Variants in EXOC3L4 observed in about 807,000 individuals in gnomAD.
EXOC3L4 encodes the protein exocyst complex component 3-like protein 4.
A neutral mutation model predicts 69.7 loss-of-function variants in EXOC3L4; 62 were observed. The observed-to-expected ratio is 0.89, with a 90% CI of 0.72 to 1.10. The LOEUF (loss-of-function observed/expected upper bound fraction) is 1.10. EXOC3L4 is among the 50% of genes least tolerant of loss of function. The pLI, the probability that EXOC3L4 is intolerant of heterozygous loss-of-function variation, is 0.00. For missense variants in EXOC3L4, 1,087 were observed against 1,034.8 expected (o/e 1.05, Z -0.69); for synonymous variants, 502 against 464.2 (o/e 1.08, Z -1.05).
intron 7 of EXOC3L4, among the ~76,000 whole-genome samples, chr14:103,105,358 CTGTGTGTG>C (rs56105443): frequency 7.1e-6 from 1 of 141,590 alleles, no homozygotes; most frequent in Non-Finnish European, 1.5e-5. Context: ...GAGCTGAGGG[CTGTGTGTG>C]TGTGTGTGTG....
At chr14:103,107,170 C>G (rs1235929754) in intron 8 of EXOC3L4, among the ~76,000 whole-genome samples, 1 of 152,204 alleles carries the variant, frequency 6.6e-6, no homozygotes, top group African/African-American at 2.4e-5. Context: ...AGGGTCCTCA[C>G]CCAGTCCCTC....
In EXOC3L4 at chr14:103,102,769, G is replaced by T; in HGVS notation, c.1046G>T (p.Gly349Val). Residue 349 changes from glycine to valine, a missense_variant, in exon 3 of 12, where the codon GGC (glycine) becomes GTC (valine). By Grantham distance (109) the Gly-to-Val change is moderately radical (BLOSUM62 -3). Transcript: ENST00000688303. ...CTGGACTGGGCCGCCAACGTCTACG[G>T]CAGGTGAGTCTCGGCCAGGGCGCCC... ...ILLDWAANVY[G>V]SPDFLGAPGL... 1 of 1,348,904 alleles carries T rather than the reference G, an allele frequency of 7.4e-7. No individual in the cohort carries two copies. Among genetic ancestry groups the T allele is most frequent in the Non-Finnish European group, 9.5e-7 (1 of 1,052,478 alleles). 83.6% of individuals were successfully genotyped at this position (1,348,904 alleles called of 1,614,324 possible). A position where few individuals can be genotyped will look rare whatever the true frequency, so the allele number is the denominator to read the frequency against.
At chr14:103,103,354 CAA>C (rs3070496) in intron 3 of EXOC3L4, among the ~76,000 whole-genome samples, 14 of 94,882 alleles carry the variant, frequency 1.5e-4, no homozygotes, top group African/African-American at 1.7e-4. Flanking sequence ...GACTCTGTCT[CAA>C]AAAAAAAAAA....
Position 103,110,061 on chromosome 14 carries a change from G to GCGC in EXOC3L4, c.2010_2012dup (p.Arg671dup), listed in dbSNP as rs769035720. On this transcript the variant is annotated inframe_insertion, in exon 12 of 12. Transcript: ENST00000688303. ...ACCACATACTGGCCATTCTGGCGCT[G>GCGC]CGCCGACTGGGCCGCCAGCGGAACC... 1.9e-5 allele frequency: 31 copies of GCGC among 1,600,738 alleles called. No homozygotes were observed. Among genetic ancestry groups the GCGC allele is most frequent in the Non-Finnish European group, 2.6e-5 (31 of 1,174,538 alleles).
intron 1 of EXOC3L4, among the ~76,000 whole-genome samples, chr14:103,096,622 T>C (rs1474516518): frequency 1.3e-5 from 2 of 152,192 alleles, no homozygotes; most frequent in African/African-American, 4.8e-5. Flanking sequence ...AATACCTGAT[T>C]GGTCGGGTGT....
intron 1 of EXOC3L4, among the ~76,000 whole-genome samples, chr14:103,098,109 G>A (rs1889980108): frequency 6.6e-6 from 1 of 152,094 alleles, no homozygotes; most frequent in Non-Finnish European, 1.5e-5. Flanking sequence ...GGACCTCACT[G>A]GCCCTTCAGC....
intron 2 of EXOC3L4, 38 bp downstream of exon 2, chr14:103,100,651 ACGGG>A: frequency 6.4e-7 from 1 of 1,566,740 alleles, no homozygotes; most frequent in East Asian, 2.3e-5. Flanking sequence ...ATGAAAGGAA[ACGGG>A]CCAGAGGTCA....
intron 1 of EXOC3L4, among the ~76,000 whole-genome samples, chr14:103,096,200 A>G (rs58223985): frequency 0.031 from 4,786 of 152,178 alleles, 250 homozygotes; most frequent in African/African-American, 0.11. Flanking sequence ...CAAAAAATAT[A>G]AAAATTAGCC....
Position 103,110,151 on chromosome 14 carries a change from C to T in EXOC3L4, c.2097C>T (p.Ala699=), listed in dbSNP as rs1890850472. ...RAAAGAAGAE[A]PRGRVLFEEI... is the part of the protein sequence containing the mutation. The stretch of plus-strand genomic sequence containing the variant: ...CGGCCGGGGCGGCGGGTGCGGAGGC[C>T]CCTCGGGGCCGCGTGCTCTTCGAGG... Residue 699 remains alanine (A), a synonymous_variant, in exon 12 of 12, where the codon GCC becomes GCT. Coordinates refer to ENST00000688303, the MANE Select transcript of EXOC3L4 (RefSeq NM_001077594.2). The T allele has an allele frequency of 6.5e-7, 1 of 1,545,298 alleles. No individual in the cohort carries two copies. The highest frequency in any genetic ancestry group is 8.7e-7 in the Non-Finnish European group (1 of 1,144,394).
chr14:103,103,773 C>T, intron 3 of EXOC3L4, 168 bp from the exon 4 acceptor site: 1 of 525,804 alleles, frequency 1.9e-6, no homozygotes, highest in Non-Finnish European at 3.3e-6. Context: ...GGGGGTGTGG[C>T]ATGGCAGCCT....
intron 6 of EXOC3L4, 71 bp downstream of exon 6, chr14:103,104,909 G>C (rs767551531): frequency 2.0e-5 from 32 of 1,563,516 alleles, no homozygotes; most frequent in African/African-American, 6.8e-5. Context: ...AGGAGTCTGC[G>C]TAGGGACCTG....
rs757105801 is a variant in EXOC3L4, at chr14:103,108,453, G to C, written c.1912G>C (p.Glu638Gln). The part of the protein sequence containing the change: ...AIQCVAEILG[E>Q]TYKDDIQRHL... ...CCAGTGCGTGGCTGAGATCCTGGGC[G>C]AGACCTACAAAGATGACATCCAGCG... is the stretch of plus-strand genomic sequence containing the variant. Residue 638 changes from glutamate (E) to glutamine (Q), a missense_variant, in exon 11 of 12, where the codon GAG becomes CAG. By Grantham distance (29) the Glu-to-Gln change is conservative. Coordinates refer to ENST00000688303, the MANE Select transcript of EXOC3L4 (RefSeq NM_001077594.2). The C allele has an allele frequency of 6.2e-7, 1 of 1,614,008 alleles. No individual in the cohort carries two copies. The highest frequency in any genetic ancestry group is 8.5e-7 in the Non-Finnish European group (1 of 1,179,914).
chr14:103,107,023 A>T, intron 8 of EXOC3L4, 124 bp downstream of exon 8: 3 of 853,694 alleles, frequency 3.5e-6, no homozygotes, highest in Non-Finnish European at 5.3e-6. Context: ...GTGTGTGTGT[A>T]GGGTAGTGGG....
At chr14:103,104,244 C>T in intron 4 of EXOC3L4, 23 bp from the exon 5 acceptor site, 2 of 1,556,378 alleles carry the variant, frequency 1.3e-6, no homozygotes. Flanking sequence ...GGTCTCACCA[C>T]GGCCCATCCC....
intron 2 of EXOC3L4, among the ~76,000 whole-genome samples, chr14:103,101,176 A>G (rs1409003207): frequency 6.6e-6 from 1 of 151,950 alleles, no homozygotes; most frequent in African/African-American, 2.4e-5. Flanking sequence ...AAGTGCTGGG[A>G]TTACAGGCGT....
rs1177907237 is a variant in EXOC3L4 at position 103,103,795 on chromosome 14, C to CGTGTGT, written c.1050-145_1050-144insTGTGTG. The CGTGTGT allele has an allele frequency of 4.3e-3, 1,914 of 441,886 alleles. 6 individuals are homozygous for CGTGTGT. The highest frequency in any genetic ancestry group is 4.6e-3 in the Middle Eastern group (11 of 2,396). 27.4% of individuals were successfully genotyped at this position (441,886 alleles called of 1,614,324 possible). ...TGGCATGGCAGCCTAGAGGCGCGCG[C>CGTGTGT]GCGTGTGTGTGTGTGTGTGTGTGTG... On this transcript the variant is annotated intron_variant, in intron 3 of 11. Coordinates refer to ENST00000688303, the MANE Select transcript of EXOC3L4 (RefSeq NM_001077594.2).
At chr14:103,099,102 C>T (rs1343742518) in intron 1 of EXOC3L4, among the ~76,000 whole-genome samples, 1 of 152,192 alleles carries the variant, frequency 6.6e-6, no homozygotes, top group African/African-American at 2.4e-5. Context: ...GGTCCTGGCA[C>T]CTGGGTGGGG....
intron 7 of EXOC3L4, 28 bp from the exon 8 acceptor site, chr14:103,106,757 C>G (rs974756078): frequency 5.5e-6 from 8 of 1,467,612 alleles, no homozygotes; most frequent in African/African-American, 1.4e-5. Flanking sequence ...CCTTGCCCAC[C>G]TCATCGCTGG....
In EXOC3L4 at chr14:103,110,239, G is replaced by C. The variant is rs572851970; in HGVS notation, c.*16G>C. 5.4e-6 allele frequency: 8 copies of C among 1,489,334 alleles called. No individual in the cohort carries two copies. The Middle Eastern group carries it at 5.2e-4, about 97-fold the overall frequency. The allele number at this position is 1,489,334 out of a possible 1,614,324, so 92.3% of individuals were successfully genotyped here. Reference sequence around the variant, plus strand: ...CTGCGTCTAGTTCTCTCTGGCTCGAGGGGGGGCCGGCCGCTGGCAGGGAGC... The same window carrying C: ...CTGCGTCTAGTTCTCTCTGGCTCGACGGGGGGCCGGCCGCTGGCAGGGAGC... On this transcript the variant is annotated 3_prime_UTR_variant, in exon 12 of 12. Transcript: ENST00000688303.
Sources: allele counts gnomAD v4.1 joint callset (sites outside exome capture counted in the v4.1 genomes callset), GRCh38; gene constraint gnomAD v4.1.1; transcripts MANE v1.5; gene names NCBI Gene and HGNC (gene_info 2026-07-23, HGNC 2026-07-21).